The following STXBP5L variants were observed in gnomAD, a reference collection of about 807,000 sequenced individuals.
STXBP5L encodes syntaxin binding protein 5L.
Under a neutral mutation model 144.5 loss-of-function variants are expected in STXBP5L, and 65 were observed. The observed-to-expected ratio is 0.45, with a 90% confidence interval of 0.37 to 0.55. STXBP5L has a LOEUF of 0.55. Ranked by LOEUF, STXBP5L falls within the 20% of genes least tolerant of loss-of-function variation. The probability of loss-of-function intolerance (pLI) is 0.00; values close to 1 mark genes in which losing one functional copy is unlikely to be tolerated. For missense variants in STXBP5L, 1,298 were observed against 1,405.5 expected (o/e 0.92, Z 1.22); for synonymous variants, 505 against 469.6 (o/e 1.08, Z -0.97).
chr3:121,186,464 T>C (rs1258917972), intron 9 of STXBP5L, among the ~76,000 whole-genome samples: 1 of 152,194 alleles, frequency 6.6e-6, no homozygotes, highest in Non-Finnish European at 1.5e-5. Flanking sequence ...TTGAGATACA[T>C]CCCATCAATA....
At chr3:121,252,221 C>A (rs976120141) in intron 15 of STXBP5L, among the ~76,000 whole-genome samples, 10 of 151,916 alleles carry the variant, frequency 6.6e-5, no homozygotes, top group African/African-American at 2.2e-4. Context: ...TATAAATTAG[C>A]TGGGTGTGGC....
chr3:121,094,473 A>T (rs1273352318), intron 5 of STXBP5L, among the ~76,000 whole-genome samples: 1 of 152,144 alleles, frequency 6.6e-6, no homozygotes, highest in African/African-American at 2.4e-5. Flanking sequence ...GGGTGCATAT[A>T]TATTTAGGAT....
chr3:121,041,269 T>G (rs1049445753), intron 3 of STXBP5L, among the ~76,000 whole-genome samples: 1 of 152,148 alleles, frequency 6.6e-6, no homozygotes, highest in African/African-American at 2.4e-5. Flanking sequence ...TTTTAAATTA[T>G]GCTTAGAAGA....
At position 121,169,429 on chromosome 3, in the gene STXBP5L, T is replaced by C. The variant is rs186246647; in HGVS notation, c.877+11802T>C. Among the ~76,000 whole-genome samples the C allele has an allele frequency of 5.1e-4, 77 of 152,362 alleles. 1 individual carries two copies. Among genetic ancestry groups the C allele is most frequent in the South Asian group, 1.4e-3 (7 of 4,832 alleles). On this transcript the variant is annotated intron_variant, in intron 9 of 26. Transcript: ENST00000471454. Reference sequence around the variant, plus strand: ...AAAGAATAAAGACCTATCAGTGTGCTGTATTCAGGAAACCCATCTCAGGTG... The same window carrying C: ...AAAGAATAAAGACCTATCAGTGTGCCGTATTCAGGAAACCCATCTCAGGTG...
At position 121,279,839 on chromosome 3, in the gene STXBP5L, G is replaced by T. The variant is rs1052275495; in HGVS notation, c.1993G>T (p.Val665Leu). ...TGGGAACTGCAATGGGTTGGCTGTG[G>T]TGGATTTTATACAGAAGACAGTACT... Reference protein sequence around the residue: ...AFGNCNGLAVVDFIQKTVLLS... With the variant: ...AFGNCNGLAVLDFIQKTVLLS... Residue 665 changes from valine to leucine, a missense_variant, in exon 19 of 27, where the codon GTG (valine) becomes TTG (leucine). Transcript: ENST00000471454. 2 of 1,612,360 alleles carry T rather than the reference G, an allele frequency of 1.2e-6. No homozygotes were observed. The highest frequency in any genetic ancestry group is 2.7e-5 in the African/African-American group (2 of 74,804).
intron 22 of STXBP5L, among the ~76,000 whole-genome samples, chr3:121,390,780 T>G (rs2046562788): frequency 6.6e-6 from 1 of 152,218 alleles, no homozygotes; most frequent in African/African-American, 2.4e-5. Flanking sequence ...CTTCCATTTG[T>G]GGGTAACTCA....
chr3:121,266,281 C>T lies in STXBP5L; in HGVS notation c.1958+7113C>T, dbSNP rs961969394. ...AGGACATCAAAAAGCTTATCCACCA[C>T]GATCAAGTTGGCCTCATACCTGGGA... On this transcript the variant is annotated intron_variant, in intron 18 of 26. Coordinates refer to ENST00000471454, the MANE Select transcript of STXBP5L (RefSeq NM_001308330.2). 1.2e-4 allele frequency among the ~76,000 whole-genome samples: 19 copies of T among 152,170 alleles called. 1 individual carries two copies. Among genetic ancestry groups the T allele is most frequent in the Non-Finnish European group, 1.8e-4 (12 of 68,030 alleles).
chr3:121,011,194 T>A (rs1398499347), intron 3 of STXBP5L, among the ~76,000 whole-genome samples: 1 of 151,088 alleles, frequency 6.6e-6, no homozygotes, highest in Non-Finnish European at 1.5e-5. Flanking sequence ...CATTTAGGCT[T>A]GGCTGCAGGT....
chr3:121,093,332 G>T (rs572268748), intron 5 of STXBP5L, among the ~76,000 whole-genome samples: 50 of 152,256 alleles, frequency 3.3e-4, no homozygotes, highest in African/African-American at 1.2e-3. Context: ...GATTGGAATA[G>T]TTTCAGAAGG....
chr3:121,324,449 G>A (rs1243219627), intron 20 of STXBP5L: 1 of 654,534 alleles, frequency 1.5e-6, no homozygotes, highest in East Asian at 2.8e-5. Context: ...GTTCACTTAG[G>A]CTAAGGTACT....
At chr3:121,036,761 T>C (rs1946779011) in intron 3 of STXBP5L, among the ~76,000 whole-genome samples, 1 of 134,782 alleles carries the variant, frequency 7.4e-6, no homozygotes, top group Admixed American at 8.5e-5. Context: ...TAGGATGACT[T>C]ACATTGATTG....
intron 3 of STXBP5L, among the ~76,000 whole-genome samples, chr3:120,960,880 G>C (rs1386677532): frequency 6.6e-6 from 1 of 151,864 alleles, no homozygotes; most frequent in East Asian, 1.9e-4. Flanking sequence ...TGCACGTTGT[G>C]CACATGTACC....
intron 7 of STXBP5L, among the ~76,000 whole-genome samples, chr3:121,140,069 A>C (rs2045432685): frequency 1.3e-5 from 2 of 152,106 alleles, no homozygotes; most frequent in Non-Finnish European, 2.9e-5. Flanking sequence ...AATAGATTAA[A>C]TAATTAAGTG....
At chr3:121,144,007 GCTT>G (rs1380241189) in intron 7 of STXBP5L, among the ~76,000 whole-genome samples, 2 of 151,698 alleles carry the variant, frequency 1.3e-5, no homozygotes, top group Non-Finnish European at 3.0e-5. Context: ...AAACTAAAAA[GCTT>G]CTGCATAGCA....
chr3:121,209,938 G>A (rs185657237), intron 10 of STXBP5L, among the ~76,000 whole-genome samples: 7 of 152,202 alleles, frequency 4.6e-5, no homozygotes, highest in African/African-American at 1.7e-4. Context: ...TAATCCTTTG[G>A]GTATATACCC....
At chr3:121,025,989 GTAT>G (rs1053272173) in intron 3 of STXBP5L, among the ~76,000 whole-genome samples, 4 of 142,674 alleles carry the variant, frequency 2.8e-5, no homozygotes, top group Non-Finnish European at 6.1e-5. Context: ...TAATATATTA[GTAT>G]TATCAATATA....
intron 2 of STXBP5L, among the ~76,000 whole-genome samples, chr3:120,917,038 G>A (rs972640886): frequency 2.0e-5 from 3 of 152,186 alleles, no homozygotes; most frequent in Non-Finnish European, 4.4e-5. Context: ...ACTAGAAAAG[G>A]AGACAGAGAA....
At chr3:121,001,646 C>T (rs931937143) in intron 3 of STXBP5L, among the ~76,000 whole-genome samples, 5 of 152,156 alleles carry the variant, frequency 3.3e-5, no homozygotes, top group African/African-American at 1.2e-4. Context: ...TGGGCCACTC[C>T]ATGCCTATTT....
chr3:121,001,001 G>T (rs978122111), intron 3 of STXBP5L, among the ~76,000 whole-genome samples: 7 of 152,078 alleles, frequency 4.6e-5, no homozygotes, highest in East Asian at 3.8e-4. Flanking sequence ...CCGGGGTGGC[G>T]GGGGGAAGGG....
Sources: gnomAD v4.1 joint callset for allele counts (sites outside exome capture counted in the v4.1 genomes callset) on GRCh38, gnomAD v4.1.1 for gene constraint, MANE v1.5 for transcripts, NCBI Gene and HGNC (gene_info 2026-07-23, HGNC 2026-07-21) for gene names.